The following RASSF3 variants were observed in gnomAD, a reference collection of about 807,000 sequenced individuals.
The protein encoded by RASSF3 is ras association domain-containing protein 3.
Under a neutral mutation model 19.9 loss-of-function variants are expected in RASSF3, and 19 were observed. The observed-to-expected ratio is 0.96, with a 90% CI of 0.67 to 1.40. The LOEUF is 1.40. Ranked by LOEUF, RASSF3 falls within the 40% of genes most tolerant of loss-of-function variation. The probability of loss-of-function intolerance (pLI) is 0.00; values close to 1 mark genes in which losing one functional copy is unlikely to be tolerated. For missense variants in RASSF3, 306 were observed against 289.8 expected (o/e 1.06, Z -0.41); for synonymous variants, 110 against 104.2 (o/e 1.06, Z -0.34).
At chr12:64,547,220 C>T (rs1480629331) in intron 2 of RASSF3, among the ~76,000 whole-genome samples, 2 of 143,118 alleles carry the variant, frequency 1.4e-5, no homozygotes, top group South Asian at 2.3e-4. Context: ...TGCAGTGAGC[C>T]GAGATCACAC....
intron 2 of RASSF3, among the ~76,000 whole-genome samples, chr12:64,687,691 A>T (rs542252638): frequency 1.6e-3 from 244 of 152,330 alleles, no homozygotes; most frequent in Middle Eastern, 3.4e-3. Flanking sequence ...GTGCATATGA[A>T]TATAGCCACT....
upstream of RASSF3, among the ~76,000 whole-genome samples, chr12:64,528,300 G>A (rs1338051852): frequency 3.3e-5 from 5 of 152,102 alleles, no homozygotes; most frequent in Non-Finnish European, 5.9e-5. Context: ...AAAAGAAATC[G>A]ATACATAACT....
At chr12:64,641,980 G>C (rs1179291678) in intron 1 of RASSF3, among the ~76,000 whole-genome samples, 1 of 152,012 alleles carries the variant, frequency 6.6e-6, no homozygotes, top group Non-Finnish European at 1.5e-5. Context: ...GACCTCAGGT[G>C]ATCCGCCTAT....
intron 1 of RASSF3, among the ~76,000 whole-genome samples, chr12:64,536,640 G>A (rs1868833377): frequency 6.6e-6 from 1 of 152,106 alleles, no homozygotes; most frequent in Non-Finnish European, 1.5e-5. Flanking sequence ...AGAAGCACAT[G>A]GAATAAGGAA....
chr12:64,515,624 G>C (rs1362196541), intron 1 of RASSF3: 1 of 152,120 alleles, frequency 6.6e-6, no homozygotes, highest in South Asian at 2.1e-4. Context: ...TATGTGAAAG[G>C]CATTTCGTGT....
chr12:64,577,250 G>A (rs1869610082), intron 2 of RASSF3, among the ~76,000 whole-genome samples: 1 of 152,214 alleles, frequency 6.6e-6, no homozygotes, highest in African/African-American at 2.4e-5. Flanking sequence ...TAGCCCTGTT[G>A]ACAGACTGAT....
chr12:64,638,795 G>T (rs1871413524), intron 1 of RASSF3, among the ~76,000 whole-genome samples: 1 of 151,888 alleles, frequency 6.6e-6, no homozygotes, highest in Admixed American at 6.6e-5. Flanking sequence ...TCTTCTATAG[G>T]TTGTTTCTGT....
intron 1 of RASSF3, among the ~76,000 whole-genome samples, chr12:64,644,709 A>AACAAACAAACAC (rs1198043499): frequency 6.7e-6 from 1 of 149,784 alleles, no homozygotes; most frequent in Non-Finnish European, 1.5e-5. Context: ...AAAACAAACA[A>AACAAACAAACAC]ACAAACAAAA....
At chr12:64,605,575 T>C (rs1565847699), upstream of RASSF3, among the ~76,000 whole-genome samples, 1 of 151,990 alleles carries the variant, frequency 6.6e-6, no homozygotes, top group Non-Finnish European at 1.5e-5. Flanking sequence ...TGATAACAGG[T>C]CAACTCAACT....
At chr12:64,685,842 C>T (rs927452452) in intron 2 of RASSF3, among the ~76,000 whole-genome samples, 11 of 152,332 alleles carry the variant, frequency 7.2e-5, no homozygotes, top group East Asian at 3.9e-4. Context: ...ATCTAGGTCT[C>T]GCCTACCCAT....
intron 2 of RASSF3, among the ~76,000 whole-genome samples, chr12:64,601,742 G>A (rs186809851): frequency 2.0e-5 from 3 of 152,146 alleles, no homozygotes; most frequent in East Asian, 1.9e-4. Context: ...GACCCTGGGA[G>A]GGGGAGGCTT....
chr12:64,636,478 G>C (rs925027237), intron 1 of RASSF3, among the ~76,000 whole-genome samples: 2 of 152,212 alleles, frequency 1.3e-5, no homozygotes, highest in South Asian at 4.1e-4. Flanking sequence ...TCAGGGAGTG[G>C]TAAGGAAGGA....
rs1868349046 is a variant in RASSF3 at position 64,695,846 on chromosome 12, G to A, written c.*934G>A. On this transcript the variant is annotated 3_prime_UTR_variant, in exon 5 of 5. Coordinates refer to ENST00000542104, the MANE Select transcript of RASSF3 (RefSeq NM_178169.4). Reference sequence around the variant, plus strand: ...GTAGCTGCTCTGCATAGGCAGGACAGTGACAGTTCACTAACTCTTGTTAAG... The same window carrying A: ...GTAGCTGCTCTGCATAGGCAGGACAATGACAGTTCACTAACTCTTGTTAAG... 3 of 152,208 alleles carry A rather than the reference G, an allele frequency of 2.0e-5. No individual in the cohort carries two copies. Among genetic ancestry groups the A allele is most frequent in the African/African-American group, 7.2e-5 (3 of 41,440 alleles). 9.4% of individuals were successfully genotyped at this position (152,208 alleles called of 1,614,324 possible).
intron 1 of RASSF3, among the ~76,000 whole-genome samples, chr12:64,645,186 T>A (rs1035671309): frequency 6.6e-6 from 1 of 152,192 alleles, no homozygotes; most frequent in African/African-American, 2.4e-5. Context: ...CTGAAGGAAA[T>A]GAACAAATAA....
chr12:64,639,362 A>AT (rs68054310), intron 1 of RASSF3, among the ~76,000 whole-genome samples: 119 of 146,508 alleles, frequency 8.1e-4, no homozygotes, highest in Middle Eastern at 3.6e-3. Flanking sequence ...CCTAAACTGT[A>AT]TTTTTTTTTT....
chr12:64,552,644 G>A (rs1283838446), intron 2 of RASSF3, among the ~76,000 whole-genome samples: 2 of 152,176 alleles, frequency 1.3e-5, no homozygotes, highest in African/African-American at 4.8e-5. Flanking sequence ...TTCTGTTCCC[G>A]AGTTAGTTTG....
intron 1 of RASSF3, among the ~76,000 whole-genome samples, chr12:64,657,095 C>T (rs1360050208): frequency 6.6e-6 from 1 of 151,844 alleles, no homozygotes; most frequent in Non-Finnish European, 1.5e-5. Context: ...CTACAGCCTC[C>T]ATCAACCAGG....
intron 2 of RASSF3, among the ~76,000 whole-genome samples, chr12:64,564,973 G>T (rs1164455802): frequency 6.6e-6 from 1 of 151,124 alleles, no homozygotes; most frequent in Non-Finnish European, 1.5e-5. Flanking sequence ...TAGAGACAGG[G>T]TTTTACCATG....
chr12:64,520,555 C>CATACATAT (rs1868455034), intron 1 of RASSF3, among the ~76,000 whole-genome samples: 2 of 86,346 alleles, frequency 2.3e-5, no homozygotes, highest in African/African-American at 7.4e-5. Context: ...CACATACACA[C>CATACATAT]ATATATATAT....
Sources: gnomAD v4.1 joint callset for allele counts (sites outside exome capture counted in the v4.1 genomes callset) on GRCh38, gnomAD v4.1.1 for gene constraint, MANE v1.5 for transcripts, NCBI Gene and HGNC (gene_info 2026-07-23, HGNC 2026-07-21) for gene names.